ASTN2: variants seen among roughly 807,000 people sequenced by gnomAD.
ASTN2 encodes astrotactin 2, also known as astrotactin-2.
In ASTN2, 54 loss-of-function variants were observed where a neutral mutation model predicts 139.8. The ratio of observed to expected loss-of-function variants is 0.39; its 90% CI spans 0.31 to 0.48. The LOEUF is 0.48. Among genes scored for constraint, ASTN2 ranks in the 20% least tolerant of loss-of-function variants. ASTN2 has a pLI of 0.95. For synonymous variants in ASTN2, 756 were observed against 719.5 expected (o/e 1.05, Z -0.81); for missense variants, 1,565 against 1,725.1 (o/e 0.91, Z 1.64).
At chr9:117,384,407 G>C (rs1407886671) in intron 1 of ASTN2, among the ~76,000 whole-genome samples, 9 of 151,826 alleles carry the variant, frequency 5.9e-5, no homozygotes, top group Admixed American at 5.9e-4. Flanking sequence ...GCCTAACCAA[G>C]CCAGGAGATC....
intron 2 of ASTN2, among the ~76,000 whole-genome samples, chr9:117,239,277 C>G (rs1381424893): frequency 1.3e-5 from 2 of 152,136 alleles, no homozygotes; most frequent in African/African-American, 4.8e-5. Context: ...GGCTAGGCAC[C>G]TGAAGCACAG....
Position 116,725,818 on chromosome 9 carries a change from A to G in ASTN2, c.2759T>C (p.Phe920Ser). The change falls in exon 16 of 23, where the codon TTT becomes TCT. Residue 920 changes from phenylalanine to serine, a missense_variant. By Grantham distance (155) the Phe-to-Ser change is radical (BLOSUM62 -2). Coordinates refer to ENST00000313400, the MANE Select transcript of ASTN2 (RefSeq NM_001365068.1). The part of the protein sequence containing the change: ...YGSELTCIIH[F>S]PSKKVQQQLW... ...CTGCTGCTGGACCTTCTTGCTGGGAAAGTGGATGATGCAGGTGAGCTCTGA... is the reference window on the plus strand; with the variant it reads ...CTGCTGCTGGACCTTCTTGCTGGGAGAGTGGATGATGCAGGTGAGCTCTGA... 6.2e-7 allele frequency: 1 copy of G among 1,613,892 alleles called. No individual in the cohort carries two copies. Among genetic ancestry groups the G allele is most frequent in the African/African-American group, 1.3e-5 (1 of 75,028 alleles).
chr9:117,084,111 C>A (rs1388646166), intron 5 of ASTN2, among the ~76,000 whole-genome samples: 1 of 151,646 alleles, frequency 6.6e-6, no homozygotes, highest in Non-Finnish European at 1.5e-5. Flanking sequence ...CAGATAGGAG[C>A]TTTTTAAGCC....
At chr9:117,058,044 A>C (rs116277325) in intron 5 of ASTN2, among the ~76,000 whole-genome samples, 7,097 of 152,242 alleles carry the variant, frequency 0.047, 465 homozygotes, top group African/African-American at 0.15. Context: ...TTATTTAGCA[A>C]AGTATTATAA....
At chr9:117,277,569 C>T (rs972205986) in intron 2 of ASTN2, among the ~76,000 whole-genome samples, 3 of 152,014 alleles carry the variant, frequency 2.0e-5, no homozygotes, top group African/African-American at 7.2e-5. Flanking sequence ...GAAATTTCAC[C>T]CTAGGTAATT....
intron 3 of ASTN2, among the ~76,000 whole-genome samples, chr9:117,172,315 C>A (rs926013401): frequency 6.6e-6 from 1 of 151,984 alleles, no homozygotes; most frequent in African/African-American, 2.4e-5. Context: ...AAGAACTGGA[C>A]TTTTAAGTTT....
At chr9:117,300,090 T>G (rs1306386467) in intron 1 of ASTN2, among the ~76,000 whole-genome samples, 1 of 152,182 alleles carries the variant, frequency 6.6e-6, no homozygotes, top group Non-Finnish European at 1.5e-5. Flanking sequence ...TGAAAGCAAA[T>G]GCAATCATCC....
chr9:117,063,657 G>C (rs1383191685), intron 5 of ASTN2, among the ~76,000 whole-genome samples: 3 of 152,174 alleles, frequency 2.0e-5, no homozygotes, highest in African/African-American at 7.2e-5. Flanking sequence ...ATCTAGGACA[G>C]TATTGCAATG....
chr9:117,329,105 T>G (rs1465833370), intron 1 of ASTN2, among the ~76,000 whole-genome samples: 1 of 150,712 alleles, frequency 6.6e-6, no homozygotes, highest in Non-Finnish European at 1.5e-5. Context: ...CCCCAACAGG[T>G]CAGGGAAGAC....
intron 1 of ASTN2, among the ~76,000 whole-genome samples, chr9:117,353,241 C>T (rs574343703): frequency 6.6e-6 from 1 of 152,160 alleles, no homozygotes; most frequent in South Asian, 2.1e-4. Context: ...CAATTTGAGA[C>T]CTCACTCTGG....
intron 19 of ASTN2, among the ~76,000 whole-genome samples, chr9:116,495,597 T>C (rs1477807824): frequency 6.6e-6 from 1 of 152,222 alleles, no homozygotes; most frequent in Non-Finnish European, 1.5e-5. Context: ...TGTTTTCTGT[T>C]CCTTGCAATC....
At chr9:116,519,518 G>A (rs1341652793) in intron 19 of ASTN2, among the ~76,000 whole-genome samples, 1 of 152,058 alleles carries the variant, frequency 6.6e-6, no homozygotes, top group African/African-American at 2.4e-5. Context: ...GTGGTGCTAA[G>A]AGGAAAGTTC....
intron 1 of ASTN2, among the ~76,000 whole-genome samples, chr9:117,341,543 T>C (rs1426438000): frequency 6.6e-6 from 1 of 152,174 alleles, no homozygotes; most frequent in South Asian, 2.1e-4. Context: ...CAAAGAAGGA[T>C]CTTTGTATTC....
At chr9:116,788,869 A>G (rs1830451950) in intron 13 of ASTN2, among the ~76,000 whole-genome samples, 1 of 152,160 alleles carries the variant, frequency 6.6e-6, no homozygotes, top group African/African-American at 2.4e-5. Flanking sequence ...CTTTACACCA[A>G]CATTAGACCG....
intron 2 of ASTN2, among the ~76,000 whole-genome samples, chr9:117,261,954 A>G (rs1161431111): frequency 2.0e-5 from 3 of 152,214 alleles, no homozygotes; most frequent in Admixed American, 6.5e-5. Flanking sequence ...GCATCTTTAA[A>G]ACTATACTTA....
chr9:116,924,137 A>C (rs754815852), intron 10 of ASTN2, among the ~76,000 whole-genome samples: 23 of 152,062 alleles, frequency 1.5e-4, no homozygotes, highest in Non-Finnish European at 3.1e-4. Flanking sequence ...GGCTAGGCAC[A>C]GTGGCTCAAG....
At chr9:116,476,610 T>G (rs1848989817) in intron 20 of ASTN2, among the ~76,000 whole-genome samples, 1 of 152,226 alleles carries the variant, frequency 6.6e-6, no homozygotes, top group Admixed American at 6.5e-5. Flanking sequence ...CCTACCTTAC[T>G]GTGAGGCACC....
chr9:117,343,147 G>A (rs1254724583), intron 1 of ASTN2, among the ~76,000 whole-genome samples: 3 of 152,192 alleles, frequency 2.0e-5, no homozygotes, highest in Non-Finnish European at 1.5e-5. Flanking sequence ...AGAGGCTCTA[G>A]GGGAGAAACT....
intron 1 of ASTN2, among the ~76,000 whole-genome samples, chr9:117,372,585 G>T (rs141969886): frequency 6.6e-6 from 1 of 152,006 alleles, no homozygotes; most frequent in Admixed American, 6.6e-5. Context: ...ATAACAGTAC[G>T]TAATTCAAAA....
Sources: gnomAD v4.1 joint callset for allele counts (sites outside exome capture counted in the v4.1 genomes callset) on GRCh38, gnomAD v4.1.1 for gene constraint, MANE v1.5 for transcripts, NCBI Gene and HGNC (gene_info 2026-07-23, HGNC 2026-07-21) for gene names.